The following TTC17 variants were observed in gnomAD, a reference collection of about 807,000 sequenced individuals.
The protein encoded by TTC17 is tetratricopeptide repeat domain 17.
Under a neutral mutation model 143.8 loss-of-function variants are expected in TTC17, and 58 were observed. The observed-to-expected ratio is 0.40, with a 90% CI of 0.33 to 0.50. The LOEUF (loss-of-function observed/expected upper bound fraction) is 0.50, where lower values mean the gene tolerates loss of function less well. TTC17 is among the 20% of genes least tolerant of loss of function. The pLI is 0.49. For missense variants in TTC17, 1,273 were observed against 1,392.5 expected, an observed-to-expected ratio of 0.91 and a Z score of 1.37; for synonymous variants, 501 against 497.8, an observed-to-expected ratio of 1.01 and a Z score of -0.09.
chr11:43,417,898 T>C (rs1423111036), intron 16 of TTC17, among the ~76,000 whole-genome samples: 2 of 152,196 alleles, frequency 1.3e-5, no homozygotes, highest in Non-Finnish European at 2.9e-5. Flanking sequence ...TATAATATAG[T>C]AGAATGTCTT....
chr11:43,405,170 A>T (rs1000544059), intron 11 of TTC17, among the ~76,000 whole-genome samples: 42 of 148,310 alleles, frequency 2.8e-4, no homozygotes, highest in Non-Finnish European at 5.0e-4. Flanking sequence ...TTTCATGGTC[A>T]TGACAGCCAG....
intron 18 of TTC17, chr11:43,444,507 G>A: frequency 1.0e-5 from 2 of 200,644 alleles, no homozygotes; most frequent in Non-Finnish European, 2.0e-5. Context: ...GCAGAGAGAG[G>A]GAAAGAAAAT....
chr11:43,368,385 T>G (rs961537909), intron 1 of TTC17, among the ~76,000 whole-genome samples: 6 of 152,216 alleles, frequency 3.9e-5, no homozygotes, highest in Admixed American at 3.9e-4. Flanking sequence ...ACTAAACTCT[T>G]GATTTTCTAC....
rs116989749 is a variant in TTC17, at chr11:43,429,740, A to G, written c.2252-13585A>G. Among the ~76,000 whole-genome samples the G allele has an allele frequency of 1.7e-3, 265 of 152,360 alleles. 2 individuals are homozygous for G. Among genetic ancestry groups the G allele is most frequent in the East Asian group, 0.014 (75 of 5,186 alleles). On this transcript the variant is annotated intron_variant, in intron 16 of 23. Coordinates refer to ENST00000039989, the MANE Select transcript of TTC17 (RefSeq NM_018259.6). The stretch of plus-strand genomic sequence containing the variant: ...TGCATAATTTTGAGTGCAGTTGGGT[A>G]GAAAGGTAAGGAGAAAATACTATAG...
rs763673699 is a variant in TTC17, at chr11:43,409,741, A to G, written c.2064+2164A>G. 7.9e-5 allele frequency among the ~76,000 whole-genome samples: 12 copies of G among 152,208 alleles called. 1 individual carries two copies. Among genetic ancestry groups the G allele is most frequent in the African/African-American group, 1.7e-4 (7 of 41,448 alleles). On this transcript the variant is annotated intron_variant, in intron 15 of 23. Coordinates refer to ENST00000039989, the MANE Select transcript of TTC17 (RefSeq NM_018259.6). ...GTCGTGTTATACTACCTCTGAATTA[A>G]CATTTATAAAACAAGTTTCGCTTGC... is the stretch of plus-strand genomic sequence containing the variant.
At position 43,467,395 on chromosome 11, in the gene TTC17, G is replaced by A. The variant is rs145801923; in HGVS notation, c.3030+16130G>A. 1.1e-4 allele frequency among the ~76,000 whole-genome samples: 16 copies of A among 152,274 alleles called. 1 individual carries two copies. In the Middle Eastern group the frequency reaches 0.017, roughly 162 times the overall value. ...CATGGAGGAATCTTGAGGAATTAACGGTAAGTGAAATAAGCCAGTCACAAA... is the reference window on the plus strand; with the variant it reads ...CATGGAGGAATCTTGAGGAATTAACAGTAAGTGAAATAAGCCAGTCACAAA... On this transcript the variant is annotated intron_variant, in intron 21 of 23. Transcript: ENST00000039989.
chr11:43,392,224 C>G (rs1259868895), intron 5 of TTC17, among the ~76,000 whole-genome samples: 1 of 152,046 alleles, frequency 6.6e-6, no homozygotes, highest in Non-Finnish European at 1.5e-5. Flanking sequence ...CGTTTATAGG[C>G]TGGATTATAT....
chr11:43,464,485 C>CT (rs200481067), intron 21 of TTC17, among the ~76,000 whole-genome samples: 239 of 152,036 alleles, frequency 1.6e-3, no homozygotes, highest in Non-Finnish European at 2.7e-3. Flanking sequence ...GAATAACTAA[C>CT]TTTTTTTAAA....
intron 16 of TTC17, among the ~76,000 whole-genome samples, chr11:43,440,602 T>C (rs752443031): frequency 2.0e-5 from 3 of 152,192 alleles, no homozygotes; most frequent in Non-Finnish European, 4.4e-5. Context: ...TTATAAAGAT[T>C]ATTCAATACC....
At chr11:43,447,582 T>G (rs1947570749) in intron 18 of TTC17, 2 of 163,258 alleles carry the variant, frequency 1.2e-5, no homozygotes, top group Non-Finnish European at 1.3e-5. Context: ...CTCAAAAAAT[T>G]ATCCAGCCCA....
At chr11:43,436,766 G>T (rs969699195) in intron 16 of TTC17, among the ~76,000 whole-genome samples, 1 of 152,110 alleles carries the variant, frequency 6.6e-6, no homozygotes. Context: ...TTGCCAAAAC[G>T]CATGACTTCT....
At chr11:43,372,541 T>TGA (rs986269608) in intron 1 of TTC17, among the ~76,000 whole-genome samples, 7 of 151,496 alleles carry the variant, frequency 4.6e-5, no homozygotes, top group Admixed American at 2.6e-4. Flanking sequence ...TCACTCTTAC[T>TGA]GACCAGGCTG....
intron 15 of TTC17, among the ~76,000 whole-genome samples, chr11:43,408,773 G>A (rs1371238392): frequency 6.6e-6 from 1 of 151,672 alleles, no homozygotes; most frequent in African/African-American, 2.4e-5. Context: ...ACAGGTTCTT[G>A]CTCTGTTGCC....
At chr11:43,465,430 A>G (rs1947952090) in intron 21 of TTC17, among the ~76,000 whole-genome samples, 1 of 152,242 alleles carries the variant, frequency 6.6e-6, no homozygotes, top group South Asian at 2.1e-4. Context: ...AGGACTTGAA[A>G]TAACAATGAT....
chr11:43,389,819 C>G lies in TTC17; in HGVS notation c.417C>G (p.Ile139Met). 6.3e-7 allele frequency: 1 copy of G among 1,586,188 alleles called. No homozygotes were observed. The highest frequency in any genetic ancestry group is 8.5e-7 in the Non-Finnish European group (1 of 1,171,664). Residue 139 changes from isoleucine (I) to methionine (M), a missense_variant and splice_region_variant, in exon 3 of 24, where the codon ATC (isoleucine) becomes ATG (methionine). This residue lies in a region of TTC17 where 325 missense variants were observed against 444.2 expected (regional missense o/e 0.73). Coordinates refer to ENST00000039989, the MANE Select transcript of TTC17 (RefSeq NM_018259.6). ...ACATAACTTTGGAGAGCAAAGACAT[C>G]AGGTAAAGAAGTTCTCTTTCCAAAA... The part of the protein sequence containing the change: ...GTYITLESKD[I>M]SPEDYIDTES...
At chr11:43,455,186 T>C (rs1947739879) in intron 21 of TTC17, among the ~76,000 whole-genome samples, 1 of 151,768 alleles carries the variant, frequency 6.6e-6, no homozygotes, top group South Asian at 2.1e-4. Flanking sequence ...ATAAGAAATT[T>C]AGAATTTCTT....
intron 21 of TTC17, among the ~76,000 whole-genome samples, chr11:43,455,081 A>AAAT (rs904867502): frequency 8.6e-4 from 130 of 150,926 alleles, no homozygotes; most frequent in Admixed American, 3.7e-3. Flanking sequence ...AGAATGCAAA[A>AAAT]AATAATAATA....
In TTC17 at chr11:43,444,109, T is replaced by A; in HGVS notation, c.2565T>A (p.Thr855=). The part of the protein sequence containing the change: ...VKKPKGDHKK[T]PGKKVETGQI... ...AACCCAAAGGAGATCATAAGAAAAC[T>A]CCTGGGAAAAAAGTAGAAACAGGTC... Residue 855 remains threonine, a synonymous_variant, in exon 18 of 24, where the codon ACT becomes ACA. Coordinates refer to ENST00000039989, the MANE Select transcript of TTC17 (RefSeq NM_018259.6). The A allele has an allele frequency of 6.2e-7, 1 of 1,613,136 alleles. No individual in the cohort carries two copies. The highest frequency in any genetic ancestry group is 8.5e-7 in the Non-Finnish European group (1 of 1,179,608).
chr11:43,402,508 C>T (rs1163512467), intron 10 of TTC17, among the ~76,000 whole-genome samples: 1 of 151,616 alleles, frequency 6.6e-6, no homozygotes, highest in Admixed American at 6.6e-5. Context: ...GTAATGATAC[C>T]AGATAGTATA....
Sources: allele counts gnomAD v4.1 joint callset (sites outside exome capture counted in the v4.1 genomes callset), GRCh38; gene constraint gnomAD v4.1.1; regional missense constraint gnomAD v4.1.1; transcripts MANE v1.5; gene names NCBI Gene and HGNC (gene_info 2026-07-23, HGNC 2026-07-21).